The following AK7 variants were observed in gnomAD, a reference collection of about 807,000 sequenced individuals.
AK7 encodes the protein ATP-AMP transphosphorylase 7.
AK7 carries 78 observed loss-of-function variants against 96.6 expected under a neutral mutation model. The ratio of observed to expected loss-of-function variants is 0.81; its 90% CI spans 0.67 to 0.97. The LOEUF is 0.97. AK7 is among the 50% of genes least tolerant of loss of function. AK7 has a pLI of 0.00. For missense variants in AK7, 855 were observed against 887.9 expected, an observed-to-expected ratio of 0.96 and a Z score of 0.47; for synonymous variants, 302 against 317.2, an observed-to-expected ratio of 0.95 and a Z score of 0.51.
chr14:96,484,247 A>G (rs1566815838), intron 16 of AK7, among the ~76,000 whole-genome samples: 1 of 152,116 alleles, frequency 6.6e-6, no homozygotes, highest in Non-Finnish European at 1.5e-5. Flanking sequence ...GTCTCAAAAA[A>G]CAAACACCAC....
chr14:96,419,432 C>T (rs999228250), intron 4 of AK7, among the ~76,000 whole-genome samples: 1 of 152,086 alleles, frequency 6.6e-6, no homozygotes, highest in Non-Finnish European at 1.5e-5. Context: ...GAGGTGGAGA[C>T]CAGCCTGGGT....
At chr14:96,483,503 C>A (rs1323206269) in intron 16 of AK7, among the ~76,000 whole-genome samples, 1 of 151,716 alleles carries the variant, frequency 6.6e-6, no homozygotes, top group African/African-American at 2.4e-5. Context: ...CTTACTGCAA[C>A]CTCTGCCTCC....
intron 10 of AK7, among the ~76,000 whole-genome samples, chr14:96,455,727 A>C (rs549029490): frequency 9.2e-5 from 14 of 152,238 alleles, no homozygotes; most frequent in East Asian, 7.7e-4. Context: ...ATGTGGCCCT[A>C]TCCACCAGCC....
intron 1 of AK7, among the ~76,000 whole-genome samples, chr14:96,396,957 C>T (rs913619411): frequency 2.6e-5 from 4 of 152,232 alleles, no homozygotes; most frequent in Middle Eastern, 3.4e-3. Context: ...ATTAGCCAGG[C>T]GTGGTGGCAC....
At chr14:96,395,214 A>G (rs186206345) in intron 1 of AK7, among the ~76,000 whole-genome samples, 3 of 152,366 alleles carry the variant, frequency 2.0e-5, no homozygotes, top group African/African-American at 7.2e-5. Flanking sequence ...CCTTACCAAT[A>G]ACATAAAAAG....
intron 5 of AK7, among the ~76,000 whole-genome samples, chr14:96,435,116 T>TA (rs1892569494): frequency 6.6e-6 from 1 of 152,102 alleles, no homozygotes; most frequent in Non-Finnish European, 1.5e-5. Flanking sequence ...TGCTGGCACC[T>TA]AAGGTGCAAG....
chr14:96,430,266 A>G (rs1892275291), intron 5 of AK7, among the ~76,000 whole-genome samples: 1 of 149,748 alleles, frequency 6.7e-6, no homozygotes, highest in Non-Finnish European at 1.5e-5. Context: ...GCTCACTGCA[A>G]GCTCCGCCTC....
chr14:96,409,899 G>T (rs180950630), intron 4 of AK7, among the ~76,000 whole-genome samples: 1 of 152,334 alleles, frequency 6.6e-6, no homozygotes, highest in Non-Finnish European at 1.5e-5. Context: ...GCGAGTAGTT[G>T]ACTCAACTTG....
chr14:96,396,083 A>G (rs1219835347), intron 1 of AK7, among the ~76,000 whole-genome samples: 1 of 151,972 alleles, frequency 6.6e-6, no homozygotes, highest in Non-Finnish European at 1.5e-5. Context: ...GATCTTGATT[A>G]TTTTTTATAA....
intron 5 of AK7, among the ~76,000 whole-genome samples, chr14:96,422,333 A>G (rs1453233923): frequency 6.6e-6 from 1 of 152,248 alleles, no homozygotes; most frequent in East Asian, 1.9e-4. Flanking sequence ...ATCAGCAGTA[A>G]CAGTTGCAGC....
chr14:96,415,546 C>T (rs1272765936), intron 4 of AK7, among the ~76,000 whole-genome samples: 1 of 151,786 alleles, frequency 6.6e-6, no homozygotes. Flanking sequence ...CAGGCCAGCC[C>T]ATGGTGCCTG....
chr14:96,433,951 T>G (rs1368272923), intron 5 of AK7, among the ~76,000 whole-genome samples: 2 of 152,204 alleles, frequency 1.3e-5, no homozygotes, highest in East Asian at 3.8e-4. Flanking sequence ...AATTCTGAAT[T>G]CCTTCTCTGT....
chr14:96,456,353 A>G lies in AK7; in HGVS notation c.1105A>G (p.Lys369Glu), dbSNP rs1433787461. Residue 369 changes from lysine (K) to glutamate (E), a missense_variant, in exon 11 of 18, where the codon AAG becomes GAG. Physicochemically the swap from Lys to Glu is moderately conservative, Grantham distance 56. Coordinates refer to ENST00000267584, the MANE Select transcript of AK7 (RefSeq NM_152327.5). ...YKQSRGLMPI[K>E]ICILGPPAVG... ...TTACTCTCTCCTCTTTCAGCCAATC[A>G]AGATCTGCATTCTTGGTCCCCCTGC... The G allele has an allele frequency of 1.2e-6, 2 of 1,613,272 alleles. No individual in the cohort carries two copies. Among genetic ancestry groups the G allele is most frequent in the Non-Finnish European group, 1.7e-6 (2 of 1,179,580 alleles).
intron 14 of AK7, among the ~76,000 whole-genome samples, chr14:96,477,047 T>C (rs150240457): frequency 6.2e-4 from 95 of 152,372 alleles, no homozygotes; most frequent in African/African-American, 2.1e-3. Context: ...TGAGGCTTCA[T>C]ATGTCTACCT....
chr14:96,422,879 T>C (rs1328766079), intron 5 of AK7, among the ~76,000 whole-genome samples: 1 of 152,248 alleles, frequency 6.6e-6, no homozygotes, highest in Non-Finnish European at 1.5e-5. Context: ...GGGAATGCCC[T>C]GACAATGAAT....
rs77787087 is a variant in AK7 at position 96,478,246 on chromosome 14, A to T, written c.1556-219A>T. 9.0e-3 allele frequency among the ~76,000 whole-genome samples: 1,375 copies of T among 152,152 alleles called. 30 individuals carry two copies. Among genetic ancestry groups the T allele is most frequent in the African/African-American group, 0.031 (1,275 of 41,496 alleles). On this transcript the variant is annotated intron_variant, in intron 14 of 17. Transcript: ENST00000267584. ...GAGGGGGGAAGAAAGGGAAAATAATAGATTGCACAAAATACTAATTGGGCC... is the reference window on the plus strand; with the variant it reads ...GAGGGGGGAAGAAAGGGAAAATAATTGATTGCACAAAATACTAATTGGGCC...
At chr14:96,472,566 C>A in intron 13 of AK7, 121 bp from the exon 14 acceptor site, 1 of 658,966 alleles carries the variant, frequency 1.5e-6, no homozygotes, top group Non-Finnish European at 2.7e-6. Flanking sequence ...TTCTAAAATA[C>A]ATGTGCTATT....
At chr14:96,471,701 A>G (rs1894901024) in intron 13 of AK7, 95 bp downstream of exon 13, 1 of 1,047,208 alleles carries the variant, frequency 9.5e-7, no homozygotes, top group African/African-American at 1.7e-5. Flanking sequence ...TAAACAGAAA[A>G]CTAGAGAGAC....
chr14:96,478,714 T>TAGC, intron 15 of AK7, 52 bp downstream of exon 15: 1 of 1,572,494 alleles, frequency 6.4e-7, no homozygotes, highest in Non-Finnish European at 8.7e-7. Flanking sequence ...CCAGCAAAGC[T>TAGC]TGGTGCAGGT....
Sources: gnomAD v4.1 joint callset for allele counts (sites outside exome capture counted in the v4.1 genomes callset) on GRCh38, gnomAD v4.1.1 for gene constraint, MANE v1.5 for transcripts, NCBI Gene and HGNC (gene_info 2026-07-23, HGNC 2026-07-21) for gene names.